TSC2: variants seen among roughly 807,000 people sequenced by gnomAD.
TSC2 encodes TSC complex subunit 2.
Under a neutral mutation model 202.2 loss-of-function variants are expected in TSC2, and 29 were observed. The observed-to-expected ratio is 0.14, with a 90% CI of 0.11 to 0.20. The LOEUF is 0.20. Ranked by LOEUF, TSC2 falls within the 10% of genes least tolerant of loss-of-function variation. The probability of loss-of-function intolerance (pLI) is 1.00; values close to 1 mark genes in which losing one functional copy is unlikely to be tolerated. For synonymous variants in TSC2, 1,349 were observed against 1,044.0 expected (o/e 1.29, Z -5.63); for missense variants, 2,429 against 2,420.0 (o/e 1.00, Z -0.08).
chr16:2,064,514 C>T lies in TSC2; in HGVS notation c.1599+87C>T, dbSNP rs766860559. On this transcript the variant is annotated intron_variant, in intron 15 of 41. Coordinates refer to ENST00000219476, the MANE Select transcript of TSC2 (RefSeq NM_000548.5). ...CCTCTGGGCCCTCTGTCCTCCTCTT[C>T]GAGTGACCGGATGGCTGTGTCCGTA... 37 of 1,594,144 alleles carry T rather than the reference C, an allele frequency of 2.3e-5. 1 individual carries two copies. Among genetic ancestry groups the T allele is most frequent in the Admixed American group, 2.2e-4 (13 of 58,766 alleles).
chr16:2,072,291 C>G lies in TSC2; in HGVS notation c.2148C>G (p.Ser716=), dbSNP rs1355770402. The G allele has an allele frequency of 6.2e-7, 1 of 1,614,020 alleles. No individual in the cohort carries two copies. The highest frequency in any genetic ancestry group is 1.3e-5 in the African/African-American group (1 of 74,934). The part of the protein sequence containing the change: ...LKLVLGRLPE[S]LRYKVLIFTS... ...TGGTTCTGGGCAGGCTGCCTGAGTC[C>G]CTGCGCTATAAAGTGCTCATCTTTA... The change falls in exon 20 of 42, where the codon TCC becomes TCG. Residue 716 remains serine, a synonymous_variant. Coordinates refer to ENST00000219476, the MANE Select transcript of TSC2 (RefSeq NM_000548.5).
intron 26 of TSC2, 197 bp from the exon 27 acceptor site, chr16:2,078,835 C>G (rs772015995): frequency 2.2e-5 from 15 of 676,552 alleles, no homozygotes; most frequent in Non-Finnish European, 3.3e-5. Flanking sequence ...TCTTCCCCAC[C>G]CAGCGTCTCC....
At position 2,088,869 on chromosome 16, in the gene TSC2, GCGTGCGCGCGCGCACACA is replaced by G. The variant is rs2091268538; in HGVS notation, c.*261_*278del. ...TGCCTGGGCCATACAGCACACTCGC[GCGTGCGCGCGCGCACACA>G]CACACACACACAGTCACCTTCCTCC... On this transcript the variant is annotated 3_prime_UTR_variant, in exon 42 of 42. Coordinates refer to ENST00000219476, the MANE Select transcript of TSC2 (RefSeq NM_000548.5). 2.0e-6 allele frequency: 1 copy of G among 499,968 alleles called. No individual in the cohort carries two copies. The highest frequency in any genetic ancestry group is 2.8e-5 in the African/African-American group (1 of 35,260). The allele number at this position is 499,968 out of a possible 1,614,324, so 31.0% of individuals were successfully genotyped here.
At chr16:2,053,745 G>C in intron 4 of TSC2, 1 of 583,158 alleles carries the variant, frequency 1.7e-6, no homozygotes, top group Non-Finnish European at 3.2e-6. Context: ...GTACCTGGCA[G>C]CTGGTGTGGG....
At chr16:2,082,526 C>A in intron 32 of TSC2, 22 bp downstream of exon 32, 1 of 1,608,778 alleles carries the variant, frequency 6.2e-7, no homozygotes, top group Non-Finnish European at 8.5e-7. Flanking sequence ...CAGAGGGAAG[C>A]GGTTGGCTGC....
In TSC2 at chr16:2,084,461, G is replaced by A. The variant is rs907082165; in HGVS notation, c.4239G>A (p.Glu1413=). ...DKADVGRLSP[E]VKARSQSGTL... ...CCGACGTGGGCCGGCTGAGCCCTGA[G>A]GTTAAGGCCCGGTCACAGTCAGGGA... The change falls in exon 34 of 42, where the codon GAG becomes GAA. Residue 1413 remains glutamate (E), a synonymous_variant. Coordinates refer to ENST00000219476, the MANE Select transcript of TSC2 (RefSeq NM_000548.5). 3 of 1,609,424 alleles carry A rather than the reference G, an allele frequency of 1.9e-6. No homozygotes were observed. In the African/African-American group the frequency reaches 4.0e-5, roughly 21 times the overall value.
At chr16:2,055,379 A>T (rs752669481) in intron 5 of TSC2, 23 bp from the exon 6 acceptor site, 2 of 1,604,094 alleles carry the variant, frequency 1.2e-6, no homozygotes, top group Non-Finnish European at 8.5e-7. Flanking sequence ...CGTCCTCGCA[A>T]ACTGCCGCCG....
At chr16:2,087,244 G>GCGTGA (rs1403803388) in intron 38 of TSC2, 1 of 373,966 alleles carries the variant, frequency 2.7e-6, no homozygotes, top group African/African-American at 2.1e-5. Flanking sequence ...GCAGCAACCA[G>GCGTGA]CGTCACCCTC....
In TSC2 at chr16:2,076,478, C is replaced by T. The variant is rs2089396453; in HGVS notation, c.2743-13C>T. 6.2e-7 allele frequency: 1 copy of T among 1,613,090 alleles called. No homozygotes were observed. Among genetic ancestry groups the T allele is most frequent in the Admixed American group, 1.7e-5 (1 of 60,008 alleles). On this transcript the variant is annotated splice_polypyrimidine_tract_variant and intron_variant, in intron 24 of 41. Coordinates refer to ENST00000219476, the MANE Select transcript of TSC2 (RefSeq NM_000548.5). ...TGCCACCCCTCACTGTCTGGGTGTG[C>T]TCACTCTGCCAGGGCCTGCGGTCCA...
intron 26 of TSC2, chr16:2,078,246 C>T (rs74002772): frequency 0.023 from 4,046 of 176,712 alleles, 200 homozygotes; most frequent in African/African-American, 0.091. Flanking sequence ...TAGTTCTCCC[C>T]GCAGTGTCTG....
intron 7 of TSC2, 58 bp from the exon 8 acceptor site, chr16:2,056,586 C>T (rs1198998556): frequency 1.3e-5 from 21 of 1,595,440 alleles, no homozygotes; most frequent in African/African-American, 1.3e-5. Context: ...CCTGGGTGTC[C>T]TCTCCTGTGG....
rs754804519 is a variant in TSC2, at chr16:2,071,499, C to T, written c.1840-11C>T. 1 of 1,613,574 alleles carries T rather than the reference C, an allele frequency of 6.2e-7. No homozygotes were observed. The highest frequency in any genetic ancestry group is 8.5e-7 in the Non-Finnish European group (1 of 1,180,004). On this transcript the variant is annotated splice_polypyrimidine_tract_variant and intron_variant, in intron 17 of 41. Coordinates refer to ENST00000219476, the MANE Select transcript of TSC2 (RefSeq NM_000548.5). ...GCTTGGCTCTGGCTTTCACCATCCT[C>T]TTCCTGACAGGCCTTTGACTTCCTG...
chr16:2,057,368 G>A (rs548445755), intron 9 of TSC2, among the ~76,000 whole-genome samples, 190 bp downstream of exon 9: 1 of 152,280 alleles, frequency 6.6e-6, no homozygotes, highest in African/African-American at 2.4e-5. Context: ...TCCTCTGTCA[G>A]TTCAACAGAA....
chr16:2,078,599 C>CGTA, intron 26 of TSC2: 1 of 282,328 alleles, frequency 3.5e-6, no homozygotes, highest in Non-Finnish European at 6.9e-6. Flanking sequence ...AGCCGCTCGC[C>CGTA]TGCCTGAGGG....
intron 10 of TSC2, among the ~76,000 whole-genome samples, chr16:2,059,273 C>G (rs149610777): frequency 2.4e-3 from 369 of 151,658 alleles, no homozygotes; most frequent in African/African-American, 8.7e-3. Context: ...CCATCTCAGA[C>G]TCCCAAAGTG....
In TSC2 at chr16:2,089,001, T is replaced by C. The variant is rs1472816591; in HGVS notation, c.*391T>C. 8 of 247,212 alleles carry C rather than the reference T, an allele frequency of 3.2e-5. No individual in the cohort carries two copies. The highest frequency in any genetic ancestry group is 6.4e-5 in the Non-Finnish European group (8 of 125,110). The allele number at this position is 247,212 out of a possible 1,614,324, so 15.3% of individuals were successfully genotyped here. On this transcript the variant is annotated 3_prime_UTR_variant, in exon 42 of 42. Coordinates refer to ENST00000219476, the MANE Select transcript of TSC2 (RefSeq NM_000548.5). ...CCTAGTCCTGCTACTTGCCCAGACCTGATGCCAGCAGGCCTGGGCGCTGCT... is the reference window on the plus strand; with the variant it reads ...CCTAGTCCTGCTACTTGCCCAGACCCGATGCCAGCAGGCCTGGGCGCTGCT...
chr16:2,080,441 CAG>C (rs962230328), intron 30 of TSC2, 64 bp downstream of exon 30: 22 of 1,575,556 alleles, frequency 1.4e-5, no homozygotes, highest in African/African-American at 8.1e-5. Flanking sequence ...TGTGGACACT[CAG>C]GGGCGATTGC....
At chr16:2,056,356 CT>C (rs2085814669) in intron 7 of TSC2, 112 bp downstream of exon 7, 1 of 1,452,778 alleles carries the variant, frequency 6.9e-7, no homozygotes, top group Non-Finnish European at 9.5e-7. Flanking sequence ...CCTGGGCAAG[CT>C]GCTCGGTCTC....
intron 9 of TSC2, among the ~76,000 whole-genome samples, chr16:2,058,474 G>T (rs1278654881): frequency 3.9e-5 from 6 of 152,234 alleles, no homozygotes; most frequent in African/African-American, 7.2e-5. Context: ...AGACTGCGAG[G>T]CTGTGGGCCA....
Sources: allele counts gnomAD v4.1 joint callset (sites outside exome capture counted in the v4.1 genomes callset), GRCh38; gene constraint gnomAD v4.1.1; transcripts MANE v1.5; gene names NCBI Gene and HGNC (gene_info 2026-07-23, HGNC 2026-07-21).